The following NOTCH1 variants were observed in gnomAD, a reference collection of about 807,000 sequenced individuals.
NOTCH1 encodes neurogenic locus notch homolog protein 1.
A neutral mutation model predicts 254.8 loss-of-function variants in NOTCH1; 37 were observed. The ratio of observed to expected loss-of-function variants is 0.15; its 90% CI spans 0.11 to 0.19. NOTCH1 has a LOEUF of 0.19. Among genes scored for constraint, NOTCH1 ranks in the 10% least tolerant of loss-of-function variants. NOTCH1 has a pLI of 1.00. For synonymous variants in NOTCH1, 1,731 were observed against 1,618.1 expected, an observed-to-expected ratio of 1.07 and a Z score of -1.68; for missense variants, 2,972 against 3,708.6, an observed-to-expected ratio of 0.80 and a Z score of 5.16.
chr9:136,508,834 C>T (rs1564193431), intron 19 of NOTCH1, 36 bp downstream of exon 19: 1 of 1,524,000 alleles, frequency 6.6e-7, no homozygotes, highest in Non-Finnish European at 8.9e-7. Context: ...CACCCAGGGC[C>T]CCTCCTTCGG....
Position 136,519,686 on chromosome 9 carries a change from C to T in NOTCH1, c.743-121G>A, listed in dbSNP as rs936580306. 3.8e-5 allele frequency: 56 copies of T among 1,475,562 alleles called. 1 individual carries two copies. Among genetic ancestry groups the T allele is most frequent in the South Asian group, 1.6e-4 (14 of 87,778 alleles). The allele number at this position is 1,475,562 out of a possible 1,614,324, so 91.4% of individuals were successfully genotyped here. A position where few individuals can be genotyped will look rare whatever the true frequency, so the allele number is the denominator to read the frequency against. On this transcript the variant is annotated intron_variant, in intron 4 of 33. Coordinates refer to ENST00000651671, the MANE Select transcript of NOTCH1 (RefSeq NM_017617.5). ...CTCCACGGCCCTGCCCTGGGGCCCC[C>T]GGGGTCTGTGCCCGTCCCCTGCCTC...
chr9:136,523,449 C>T (rs967723007), intron 3 of NOTCH1, among the ~76,000 whole-genome samples: 87 of 152,216 alleles, frequency 5.7e-4, no homozygotes, highest in Non-Finnish European at 1.0e-4. Flanking sequence ...GGCCAGTGCA[C>T]GGCAGGAGGA....
intron 8 of NOTCH1, among the ~76,000 whole-genome samples, 162 bp from the exon 9 acceptor site, chr9:136,517,547 C>T (rs567405683): frequency 1.1e-4 from 16 of 152,284 alleles, no homozygotes; most frequent in South Asian, 4.1e-4. Context: ...GCCCCTGGCC[C>T]GGCACCCTCA....
At chr9:136,529,856 C>T (rs755615326) in intron 2 of NOTCH1, among the ~76,000 whole-genome samples, 4 of 152,382 alleles carry the variant, frequency 2.6e-5, no homozygotes, top group Non-Finnish European at 2.9e-5. Context: ...GGCCTGTTCA[C>T]CGTTGGAGCA....
At chr9:136,525,786 G>A (rs967859750) in intron 2 of NOTCH1, among the ~76,000 whole-genome samples, 4 of 152,196 alleles carry the variant, frequency 2.6e-5, no homozygotes, top group African/African-American at 9.7e-5. Context: ...GGGGGTGGGG[G>A]TTCCTGTGCG....
chr9:136,495,530 G>A lies in NOTCH1; in HGVS notation c.*541C>T, dbSNP rs927406613. The A allele has an allele frequency of 1.8e-4, 72 of 398,616 alleles. No individual in the cohort carries two copies. Among genetic ancestry groups the A allele is most frequent in the African/African-American group, 6.0e-4 (29 of 48,620 alleles). 24.7% of individuals were successfully genotyped at this position (398,616 alleles called of 1,614,324 possible). On this transcript the variant is annotated 3_prime_UTR_variant, in exon 34 of 34. Transcript: ENST00000651671. The stretch of plus-strand genomic sequence containing the variant: ...CGGAAGGTGAGCCAGCTTTGCCTCC[G>A]TTTGCCTCTGGATGCAGCTTCTCCT...
rs772431674 is a variant in NOTCH1 at position 136,497,016 on chromosome 9, G to A, written c.6723C>T (p.His2241=). Residue 2241 remains histidine, a synonymous_variant, in exon 34 of 34, where the codon CAC becomes CAT. Transcript: ENST00000651671. ...CCACGTTCAGGTGCCCGATGCCCAGGTGGGTGTCGGGCATCCCAGGCAGGT... is the reference window on the plus strand; with the variant it reads ...CCACGTTCAGGTGCCCGATGCCCAGATGGGTGTCGGGCATCCCAGGCAGGT... ...LNHLPGMPDT[H]LGIGHLNVAA... is the part of the protein sequence containing the mutation. 2 of 1,609,790 alleles carry A rather than the reference G, an allele frequency of 1.2e-6. No individual in the cohort carries two copies. The highest frequency in any genetic ancestry group is 1.7e-6 in the Non-Finnish European group (2 of 1,178,544).
chr9:136,512,987 G>GC (rs771304460), intron 15 of NOTCH1, 34 bp downstream of exon 15: 4 of 362,632 alleles, frequency 1.1e-5, no homozygotes, highest in East Asian at 4.3e-5. Context: ...CATAGGCCCC[G>GC]CCCCCTCCAG....
chr9:136,525,573 C>T (rs1269181914), intron 2 of NOTCH1, among the ~76,000 whole-genome samples: 1 of 152,218 alleles, frequency 6.6e-6, no homozygotes, highest in Non-Finnish European at 1.5e-5. Context: ...TCCCGCCTTC[C>T]GGAGCCCACC....
rs1843317949 is a variant in NOTCH1 at position 136,518,686 on chromosome 9, T to C, written c.1004A>G (p.Asn335Ser). Reference protein sequence around the residue: ...NGWTGEDCSENIDDCASAACF... With the variant: ...NGWTGEDCSESIDDCASAACF... The stretch of plus-strand genomic sequence containing the variant: ...GGCGGCGCTGGCACAGTCATCAATG[T>C]TCTCGCTGCAGTCCTCACCAGTCCA... Residue 335 changes from asparagine to serine, a missense_variant, in exon 6 of 34, where the codon AAC (asparagine) becomes AGC (serine). Asn to Ser is a conservative substitution (Grantham distance 46, BLOSUM62 1). Transcript: ENST00000651671. 1.9e-6 allele frequency: 3 copies of C among 1,612,784 alleles called. No homozygotes were observed. The highest frequency in any genetic ancestry group is 1.7e-6 in the Non-Finnish European group (2 of 1,179,988).
chr9:136,544,897 C>T (rs1029480784), intron 1 of NOTCH1, among the ~76,000 whole-genome samples: 14 of 151,192 alleles, frequency 9.3e-5, no homozygotes, highest in African/African-American at 3.2e-4. Context: ...CTTACCGGGG[C>T]TGAGAAACGG....
At chr9:136,516,135 G>A (rs761000497) in intron 9 of NOTCH1, 41 bp from the exon 10 acceptor site, 80 of 1,483,076 alleles carry the variant, frequency 5.4e-5, no homozygotes, top group Non-Finnish European at 7.4e-5. Context: ...ATGTGCAACA[G>A]CACTATGGCC....
intron 2 of NOTCH1, among the ~76,000 whole-genome samples, chr9:136,536,237 G>A (rs1344193205): frequency 3.3e-5 from 5 of 152,190 alleles, no homozygotes; most frequent in Admixed American, 6.5e-5. Flanking sequence ...TGCAGACAGG[G>A]CCTCGCTGTC....
intron 2 of NOTCH1, among the ~76,000 whole-genome samples, chr9:136,525,357 A>G (rs1320361908): frequency 1.3e-5 from 2 of 152,096 alleles, no homozygotes; most frequent in Non-Finnish European, 1.5e-5. Context: ...TGTGGTCATA[A>G]ATCTCCGGCC....
At chr9:136,509,362 C>T (rs865941934) in intron 18 of NOTCH1, among the ~76,000 whole-genome samples, 35 of 152,200 alleles carry the variant, frequency 2.3e-4, no homozygotes, top group African/African-American at 6.0e-4. Flanking sequence ...AACCAGAAAC[C>T]GTCCTGGTAA....
Position 136,522,973 on chromosome 9 carries a change from G to A in NOTCH1, c.619C>T (p.Arg207Cys). ...NEVGSYRCVCRATHTGPNCER... is the reference protein window; with the variant it reads ...NEVGSYRCVCCATHTGPNCER... The stretch of plus-strand genomic sequence containing the variant: ...CAGTTGGGGCCAGTGTGGGTGGCGC[G>A]GCAGACGCAGCGGTAGGAGCCGACC... The change falls in exon 4 of 34, where the codon CGC (arginine) becomes TGC (cysteine). Residue 207 changes from arginine to cysteine, a missense_variant. Around this residue, in one of 8 missense-constraint regions of NOTCH1, gnomAD observed 374 missense variants for 496.3 expected, o/e 0.75. Coordinates refer to ENST00000651671, the MANE Select transcript of NOTCH1 (RefSeq NM_017617.5). 3 of 1,558,202 alleles carry A rather than the reference G, an allele frequency of 1.9e-6. No homozygotes were observed. Among genetic ancestry groups the A allele is most frequent in the Non-Finnish European group, 2.6e-6 (3 of 1,151,630 alleles).
In NOTCH1 at chr9:136,513,037, G is replaced by A. The variant is rs748482275; in HGVS notation, c.2451C>T (p.Cys817=). The part of the protein sequence containing the change: ...IDDVAGYKCN[C]LLPYTGATCE... ...ACCCCTCACCTGTGTAGGGCAGCAG[G>A]CAGTTGCACTTGTACCCGGCAACGT... Residue 817 remains cysteine, a synonymous_variant, in exon 15 of 34, where the codon TGC becomes TGT. Coordinates refer to ENST00000651671, the MANE Select transcript of NOTCH1 (RefSeq NM_017617.5). This position sits in a 1 kb window ranked among gnomAD's most constrained non-coding sequence, Gnocchi z 4.7. The A allele has an allele frequency of 1.9e-6, 3 of 1,605,048 alleles. No individual in the cohort carries two copies. The highest frequency in any genetic ancestry group is 2.6e-6 in the Non-Finnish European group (3 of 1,175,224).
At chr9:136,542,790 G>A (rs1843751025) in intron 2 of NOTCH1, 1 of 152,092 alleles carries the variant, frequency 6.6e-6, no homozygotes, top group South Asian at 2.1e-4. Flanking sequence ...ACTGGCTGGG[G>A]AGCCATTTCT....
chr9:136,507,612 C>T lies in NOTCH1; in HGVS notation c.3511-175G>A, dbSNP rs74447757. Among the ~76,000 whole-genome samples, 648 of 152,290 alleles carry T rather than the reference C, an allele frequency of 4.3e-3. 5 individuals are homozygous for T. Among genetic ancestry groups the T allele is most frequent in the African/African-American group, 0.015 (623 of 41,556 alleles). On this transcript the variant is annotated intron_variant, in intron 21 of 33. Coordinates refer to ENST00000651671, the MANE Select transcript of NOTCH1 (RefSeq NM_017617.5). Reference sequence around the variant, plus strand: ...AGAGACCCAGCCCAACAGACCCTGGCGGGGCCTCGGTGACCGGAGTCACTG... The same window carrying T: ...AGAGACCCAGCCCAACAGACCCTGGTGGGGCCTCGGTGACCGGAGTCACTG...
Sources: gnomAD v4.1 joint callset for allele counts (sites outside exome capture counted in the v4.1 genomes callset) on GRCh38, gnomAD v4.1.1 for gene constraint, gnomAD v4.1.1 regional missense constraint, Gnocchi (gnomAD v3.1) non-coding constraint, MANE v1.5 for transcripts, NCBI Gene and HGNC (gene_info 2026-07-23, HGNC 2026-07-21) for gene names.